Variants in ZNF723 observed in about 807,000 individuals in gnomAD.
ZNF723 encodes the protein zinc finger protein 723.
Under a neutral mutation model 9.4 loss-of-function variants are expected in ZNF723, and 5 were observed. The observed-to-expected ratio is 0.53, with a 90% CI of 0.28 to 1.12. ZNF723 has a LOEUF of 1.12. Among genes scored for constraint, ZNF723 ranks in the 50% most tolerant of loss-of-function variants. The pLI is 0.10. For synonymous variants in ZNF723, 158 were observed against 168.8 expected, an observed-to-expected ratio of 0.94 and a Z score of 0.49; for missense variants, 450 against 501.5, an observed-to-expected ratio of 0.90 and a Z score of 0.98.
At chr19:22,837,069 G>A (rs552266277) in intron 1 of ZNF723, among the ~76,000 whole-genome samples, 1 of 152,056 alleles carries the variant, frequency 6.6e-6, no homozygotes, top group Non-Finnish European at 1.5e-5. Context: ...GAGGTGGGCA[G>A]ATCCCTTGAA....
intron 3 of ZNF723, among the ~76,000 whole-genome samples, chr19:22,854,982 G>A (rs972381991): frequency 1.3e-5 from 2 of 152,020 alleles, no homozygotes; most frequent in African/African-American, 2.4e-5. Context: ...AGAAGGTGGA[G>A]GTCACAGTGA....
chr19:22,821,374 T>C, the ZNF723 span, among the ~76,000 whole-genome samples: 1 of 152,066 alleles, frequency 6.6e-6, no homozygotes, highest in East Asian at 1.9e-4. Context: ...TCAGGGAGAA[T>C]TGTGACATCC....
At chr19:22,854,262 AAT>A (rs1462336110) in intron 3 of ZNF723, among the ~76,000 whole-genome samples, 1 of 152,130 alleles carries the variant, frequency 6.6e-6, no homozygotes, top group East Asian at 1.9e-4. Context: ...CATTTTATAA[AAT>A]ATGACACTTT....
At chr19:22,835,433 G>A (rs538747042) in intron 1 of ZNF723, among the ~76,000 whole-genome samples, 46 of 152,196 alleles carry the variant, frequency 3.0e-4, no homozygotes, top group African/African-American at 1.1e-3. Context: ...GAGCTTGAAA[G>A]GTTAAAAAGA....
chr19:22,829,432 C>T (rs991839687), upstream of ZNF723, among the ~76,000 whole-genome samples: 8 of 151,870 alleles, frequency 5.3e-5, no homozygotes, highest in African/African-American at 1.9e-4. Flanking sequence ...ATTACAGGCA[C>T]CTGCTATCAT....
upstream of ZNF723, among the ~76,000 whole-genome samples, chr19:22,827,833 G>A (rs1967054081): frequency 6.6e-6 from 1 of 152,100 alleles, no homozygotes; most frequent in Admixed American, 6.5e-5. Context: ...CTAGCACTTT[G>A]GGAGGTTGAG....
At chr19:22,826,877 G>A in the ZNF723 span, among the ~76,000 whole-genome samples, 2 of 152,308 alleles carry the variant, frequency 1.3e-5, no homozygotes, top group South Asian at 4.1e-4. Flanking sequence ...AAAAGATGAA[G>A]GGCTAATGTG....
upstream of ZNF723, among the ~76,000 whole-genome samples, chr19:22,829,209 G>A (rs1032637926): frequency 6.4e-5 from 9 of 141,472 alleles, no homozygotes; most frequent in South Asian, 2.2e-4. Flanking sequence ...TAAAATAACC[G>A]GAAGCCCATG....
At chr19:22,821,942 CT>C in the ZNF723 span, among the ~76,000 whole-genome samples, 301 of 152,252 alleles carry the variant, frequency 2.0e-3, 1 homozygote, top group African/African-American at 6.7e-3. Flanking sequence ...AACCCCATCT[CT>C]ACTAAAAATA....
chr19:22,858,235 TA>T lies in ZNF723; in HGVS notation c.1347del (p.Glu450ArgfsTer24). On this transcript the variant is annotated frameshift_variant, in exon 4 of 4. Coordinates refer to ENST00000600766, the MANE Select transcript of ZNF723 (RefSeq NM_001349726.2). LOFTEE classifies it low-confidence loss of function (END_TRUNC). ...TLTKHKIIHT[K>X]EKPYKCEECG... The stretch of plus-strand genomic sequence containing the variant: ...TTACTAAACATAAGATAATTCATAC[TA>T]AAGAGAAACCCTACAAATGTGAAGA... The T allele has an allele frequency of 7.4e-7, 1 of 1,358,550 alleles. No individual in the cohort carries two copies. The allele number at this position is 1,358,550 out of a possible 1,614,324, so 84.2% of individuals were successfully genotyped here.
intron 1 of ZNF723, among the ~76,000 whole-genome samples, chr19:22,846,762 A>G (rs1219702547): frequency 6.8e-6 from 1 of 146,228 alleles, no homozygotes; most frequent in Non-Finnish European, 1.5e-5. Context: ...TGTATCTTGA[A>G]TTTTGCATAA....
At chr19:22,837,756 CT>C (rs1388347044) in intron 1 of ZNF723, among the ~76,000 whole-genome samples, 7 of 152,162 alleles carry the variant, frequency 4.6e-5, no homozygotes, top group African/African-American at 1.7e-4. Flanking sequence ...GTGCACAGCC[CT>C]TCCAGGACTA....
At chr19:22,822,740 T>C in the ZNF723 span, among the ~76,000 whole-genome samples, 34 of 152,142 alleles carry the variant, frequency 2.2e-4, no homozygotes, top group African/African-American at 8.0e-4. Context: ...TGGGTGCCTG[T>C]AGTCCCAGCT....
upstream of ZNF723, among the ~76,000 whole-genome samples, chr19:22,829,240 A>C (rs76127662): frequency 1.3e-5 from 2 of 151,642 alleles, no homozygotes; most frequent in Admixed American, 6.6e-5. Context: ...AAAAAAAAAA[A>C]AACACAGTTC....
intron 3 of ZNF723, among the ~76,000 whole-genome samples, chr19:22,852,707 A>G (rs1967414762): frequency 6.6e-6 from 1 of 152,182 alleles, no homozygotes; most frequent in Non-Finnish European, 1.5e-5. Context: ...ATGTTTTTAA[A>G]TATTCGGTTT....
At chr19:22,826,269 G>T in the ZNF723 span, among the ~76,000 whole-genome samples, 3 of 151,572 alleles carry the variant, frequency 2.0e-5, no homozygotes, top group Non-Finnish European at 4.4e-5. Flanking sequence ...GCTCTAGCCT[G>T]GTCTCTGCTC....
intron 1 of ZNF723, among the ~76,000 whole-genome samples, chr19:22,842,398 C>A (rs2145215170): frequency 6.6e-6 from 1 of 152,224 alleles, no homozygotes; most frequent in Non-Finnish European, 1.5e-5. Flanking sequence ...CACTATAACC[C>A]ATACTCTAAA....
the ZNF723 span, among the ~76,000 whole-genome samples, chr19:22,819,434 A>T: frequency 2.1e-4 from 32 of 152,282 alleles, no homozygotes; most frequent in East Asian, 2.3e-3. Context: ...GTCACTGCTC[A>T]CAGGGTTTAT....
the ZNF723 span, among the ~76,000 whole-genome samples, chr19:22,820,247 G>A: frequency 6.6e-6 from 1 of 152,064 alleles, no homozygotes; most frequent in Admixed American, 6.6e-5. Flanking sequence ...CTGCCCATAG[G>A]AAAAATTGTG....
Sources: allele counts gnomAD v4.1 joint callset (sites outside exome capture counted in the v4.1 genomes callset), GRCh38; gene constraint gnomAD v4.1.1; transcripts MANE v1.5; gene names NCBI Gene and HGNC (gene_info 2026-07-23, HGNC 2026-07-21).